Variants in BSCL2 observed in about 807,000 individuals in gnomAD.
BSCL2 encodes the protein BSCL2 lipid droplet biogenesis associated, seipin, also known as seipin.
Under a neutral mutation model 57.4 loss-of-function variants are expected in BSCL2, and 41 were observed. The observed-to-expected ratio is 0.71, with a 90% CI of 0.56 to 0.93. The LOEUF is 0.93. Ranked by LOEUF, BSCL2 falls within the 40% of genes least tolerant of loss-of-function variation. BSCL2 has a pLI of 0.00. For synonymous variants in BSCL2, 237 were observed against 227.3 expected, an observed-to-expected ratio of 1.04 and a Z score of -0.38; for missense variants, 539 against 586.7, an observed-to-expected ratio of 0.92 and a Z score of 0.84.
chr11:62,692,503 A>C (rs1319145369), intron 5 of BSCL2, 30 bp from the exon 6 acceptor site: 1 of 1,612,156 alleles, frequency 6.2e-7, no homozygotes, highest in Non-Finnish European at 8.5e-7. Flanking sequence ...GGGTGGCGTC[A>C]GGCCAGGGTC....
chr11:62,705,243 T>C lies in BSCL2; in HGVS notation c.404+58A>G. 3.3e-6 allele frequency: 5 copies of C among 1,499,208 alleles called. 1 individual carries two copies. In the South Asian group the frequency reaches 6.0e-5, roughly 18 times the overall value. 92.9% of individuals were successfully genotyped at this position (1,499,208 alleles called of 1,614,324 possible). On this transcript the variant is annotated intron_variant, in intron 2 of 10. Transcript: ENST00000360796. ...AATGAGGGGATTGAACTGAATGAACTCCAAGGGCCTTACAATTCCCATAGG... is the reference window on the plus strand; with the variant it reads ...AATGAGGGGATTGAACTGAATGAACCCCAAGGGCCTTACAATTCCCATAGG...
intron 6 of BSCL2, 67 bp from the exon 7 acceptor site, chr11:62,691,488 C>A: frequency 6.4e-7 from 1 of 1,570,574 alleles, no homozygotes; most frequent in African/African-American, 1.3e-5. Context: ...TCTCATGTCC[C>A]AGAAATAATT....
upstream of BSCL2, chr11:62,709,229 G>C (rs1190383306): frequency 2.2e-6 from 1 of 455,362 alleles, no homozygotes. Context: ...GAATTCTTGG[G>C]GGGAGAGGAT....
intron 2 of BSCL2, among the ~76,000 whole-genome samples, chr11:62,704,257 G>A (rs1945745933): frequency 6.6e-6 from 1 of 150,876 alleles, no homozygotes; most frequent in Non-Finnish European, 1.5e-5. Context: ...GACCAGCCTA[G>A]CCAACATGGT....
chr11:62,693,476 C>T (rs999534819), intron 4 of BSCL2, among the ~76,000 whole-genome samples: 4 of 152,136 alleles, frequency 2.6e-5, no homozygotes, highest in Admixed American at 1.3e-4. Flanking sequence ...TGCACTCCAG[C>T]CTGGGCGACA....
rs559783362 is a variant in BSCL2 at position 62,691,400 on chromosome 11, C to T, written c.885G>A (p.Pro295=). 49 of 1,614,128 alleles carry T rather than the reference C, an allele frequency of 3.0e-5. No individual in the cohort carries two copies. The highest frequency in any genetic ancestry group is 6.7e-5 in the Admixed American group (4 of 60,010). ...TGLRYLLYNF[P]MTCAFIGVAS... is the part of the protein sequence containing the mutation. ...CAACACCTATGAAGGCGCAGGTCAT[C>T]GGGAAGTTGTATAGCAGGTATCTGA... is the stretch of plus-strand genomic sequence containing the variant. The change falls in exon 7 of 11, where the codon CCG becomes CCA. Residue 295 remains proline, a synonymous_variant. Coordinates refer to ENST00000360796, the MANE Select transcript of BSCL2 (RefSeq NM_001122955.4).
At chr11:62,699,977 C>T (rs1484824942) in intron 3 of BSCL2, among the ~76,000 whole-genome samples, 3 of 151,478 alleles carry the variant, frequency 2.0e-5, no homozygotes, top group Non-Finnish European at 2.9e-5. Context: ...CCACCACACC[C>T]GGTTATAATC....
upstream of BSCL2, chr11:62,708,110 A>C (rs1433864947): frequency 1.6e-6 from 1 of 617,132 alleles, no homozygotes; most frequent in East Asian, 2.8e-5. Context: ...GGAGCACCTC[A>C]TCCCACCCTA....
chr11:62,701,100 G>T (rs531742215), intron 3 of BSCL2, among the ~76,000 whole-genome samples: 1 of 152,158 alleles, frequency 6.6e-6, no homozygotes, highest in African/African-American at 2.4e-5. Flanking sequence ...AGTACCCTTT[G>T]TAATGACACG....
intron 7 of BSCL2, 46 bp downstream of exon 7, chr11:62,691,233 AC>A (rs1337356044): frequency 6.2e-7 from 1 of 1,614,002 alleles, no homozygotes; most frequent in Middle Eastern, 1.6e-4. Flanking sequence ...ACCCCTGACC[AC>A]CCACAAAGAT....
chr11:62,694,862 CAAG>C (rs1230358305), intron 3 of BSCL2, 151 bp from the exon 4 acceptor site: 6 of 937,328 alleles, frequency 6.4e-6, no homozygotes, highest in African/African-American at 1.6e-5. Flanking sequence ...TCTGTCATCC[CAAG>C]AAGGTGCTGC....
At chr11:62,703,822 TAAGAA>T (rs1394009739) in intron 2 of BSCL2, among the ~76,000 whole-genome samples, 80 of 151,610 alleles carry the variant, frequency 5.3e-4, no homozygotes, top group South Asian at 2.1e-4. Context: ...CAACCACTGT[TAAGAA>T]AAGAGAACTA....
upstream of BSCL2, chr11:62,708,268 G>A: frequency 7.0e-7 from 1 of 1,433,414 alleles, no homozygotes; most frequent in Non-Finnish European, 9.9e-7. Context: ...CTGAGACTGT[G>A]CTCTGAGAGG....
upstream of BSCL2, chr11:62,707,477 C>T (rs946116769): frequency 1.1e-5 from 7 of 665,050 alleles, no homozygotes; most frequent in African/African-American, 1.2e-4. Flanking sequence ...CCGTCATAGG[C>T]CCAGACCACG....
chr11:62,708,242 G>A, upstream of BSCL2: 1 of 1,160,260 alleles, frequency 8.6e-7, no homozygotes. Context: ...GAGTGAGCAT[G>A]GAGGGGGGCC....
intron 1 of BSCL2, chr11:62,706,442 C>T (rs2083539079): frequency 1.3e-5 from 6 of 444,532 alleles, no homozygotes; most frequent in Non-Finnish European, 2.3e-5. Context: ...TCGCTGTCTC[C>T]TTGCGCTCGC....
At chr11:62,709,328 G>A (rs1299500812), upstream of BSCL2, 1 of 453,990 alleles carries the variant, frequency 2.2e-6, no homozygotes, top group African/African-American at 2.0e-5. Context: ...GAGGGGTCGG[G>A]GGATGGCGGG....
At chr11:62,696,401 C>T (rs778944758) in intron 3 of BSCL2, among the ~76,000 whole-genome samples, 1 of 151,444 alleles carries the variant, frequency 6.6e-6, no homozygotes, top group Non-Finnish European at 1.5e-5. Context: ...TCAATCTATC[C>T]TCCTGCCTCT....
At chr11:62,690,554 A>G (rs2134689027) in intron 10 of BSCL2, 33 bp from the exon 11 acceptor site, 1 of 1,614,048 alleles carries the variant, frequency 6.2e-7, no homozygotes, top group Non-Finnish European at 8.5e-7. Flanking sequence ...AAAATCTCAA[A>G]TGGGATATTA....
Sources: gnomAD v4.1 joint callset for allele counts (sites outside exome capture counted in the v4.1 genomes callset) on GRCh38, gnomAD v4.1.1 for gene constraint, MANE v1.5 for transcripts, NCBI Gene and HGNC (gene_info 2026-07-23, HGNC 2026-07-21) for gene names.